Variants in ARMC3 observed in about 807,000 individuals in gnomAD.
ARMC3 encodes armadillo repeat-containing protein 3.
Under a neutral mutation model 90.3 loss-of-function variants are expected in ARMC3, and 74 were observed. The observed-to-expected ratio is 0.82, with a 90% confidence interval of 0.68 to 0.99. ARMC3 has a LOEUF of 0.99. ARMC3 is among the 50% of genes least tolerant of loss of function. ARMC3 has a pLI of 0.00. For synonymous variants in ARMC3, 334 were observed against 361.8 expected (o/e 0.92, Z 0.87); for missense variants, 958 against 1,042.8 (o/e 0.92, Z 1.12).
intron 10 of ARMC3, among the ~76,000 whole-genome samples, chr10:22,993,500 C>T (rs933819566): frequency 6.6e-6 from 1 of 152,290 alleles, no homozygotes; most frequent in Non-Finnish European, 1.5e-5. Context: ...TTCTTGCAAA[C>T]TTAAAGCTGA....
At position 22,961,927 on chromosome 10, in the gene ARMC3, C is replaced by T. The variant is rs559103578; in HGVS notation, c.581C>T (p.Pro194Leu). 11 of 1,610,954 alleles carry T rather than the reference C, an allele frequency of 6.8e-6. No homozygotes were observed. In the Admixed American group the frequency reaches 8.5e-5, roughly 12 times the overall value. ...RAKLQELNAI[P>L]PILDLLKSEY... ...AAACTTCAAGAACTAAATGCAATAC[C>T]TCCTATCTTAGATCTCTTGAAGTCA... The change falls in exon 7 of 19, where the codon CCT becomes CTT. Residue 194 changes from proline to leucine, a missense_variant. Physicochemically the swap from Pro to Leu is moderately conservative, Grantham distance 98. Transcript: ENST00000298032.
chr10:22,966,621 C>T (rs1835450678), intron 7 of ARMC3, among the ~76,000 whole-genome samples: 1 of 152,160 alleles, frequency 6.6e-6, no homozygotes, highest in Non-Finnish European at 1.5e-5. Flanking sequence ...CATTTTTACA[C>T]TGCTATAAAG....
At chr10:23,036,520 A>G (rs1465228740) in intron 18 of ARMC3, among the ~76,000 whole-genome samples, 3 of 152,208 alleles carry the variant, frequency 2.0e-5, no homozygotes, top group Non-Finnish European at 2.9e-5. Flanking sequence ...CCTTATGAAG[A>G]AAGTACTGTT....
rs777621623 is a variant in ARMC3 at position 22,961,952 on chromosome 10, A to G, written c.606A>G (p.Ser202=). ...AIPPILDLLK[S]EYPVIQLLAL... ...CTCCTATCTTAGATCTCTTGAAGTC[A>G]GAATATCCAGTGATTCAGTTGTTGG... Residue 202 remains serine (S), a synonymous_variant, in exon 7 of 19, where the codon TCA becomes TCG. Coordinates refer to ENST00000298032, the MANE Select transcript of ARMC3 (RefSeq NM_173081.5). 1.9e-6 allele frequency: 3 copies of G among 1,612,560 alleles called. No individual in the cohort carries two copies. Among genetic ancestry groups the G allele is most frequent in the South Asian group, 1.1e-5 (1 of 90,840 alleles).
At chr10:23,030,370 T>C (rs1838872347) in intron 16 of ARMC3, among the ~76,000 whole-genome samples, 1 of 152,090 alleles carries the variant, frequency 6.6e-6, no homozygotes, top group South Asian at 2.1e-4. Context: ...AAATACTGTA[T>C]TTTCAGTCAC....
intron 13 of ARMC3, 195 bp from the exon 14 acceptor site, chr10:23,006,689 G>A (rs1215476898): frequency 9.2e-6 from 5 of 544,780 alleles, no homozygotes; most frequent in South Asian, 8.0e-5. Context: ...AACTGGATCT[G>A]TCCTGCCCAA....
chr10:22,997,505 T>C (rs1231096767), intron 10 of ARMC3: 2 of 152,316 alleles, frequency 1.3e-5, no homozygotes, highest in Non-Finnish European at 2.9e-5. Flanking sequence ...TCTATTTATA[T>C]ACATATCATG....
At chr10:23,026,591 G>C (rs1013489859) in intron 16 of ARMC3, among the ~76,000 whole-genome samples, 2 of 151,954 alleles carry the variant, frequency 1.3e-5, no homozygotes, top group Admixed American at 6.6e-5. Flanking sequence ...AGGCATAAAA[G>C]GTAATTGCCT....
chr10:22,998,264 T>G lies in ARMC3; in HGVS notation c.1292T>G (p.Leu431Arg). The G allele has an allele frequency of 6.2e-7, 1 of 1,612,390 alleles. No homozygotes were observed. Among genetic ancestry groups the G allele is most frequent in the Non-Finnish European group, 8.5e-7 (1 of 1,179,116 alleles). Reference protein sequence around the residue: ...VLTNMAMQEPLRLNIQNHDIM... With the variant: ...VLTNMAMQEPRRLNIQNHDIM... ...ACAAACATGGCCATGCAGGAGCCCC[T>G]GCGCCTGAACATACAGAATCACGAC... Residue 431 changes from leucine to arginine, a missense_variant, in exon 11 of 19, where the codon CTG (leucine) becomes CGG (arginine). Leu to Arg is a moderately radical substitution (Grantham distance 102). Coordinates refer to ENST00000298032, the MANE Select transcript of ARMC3 (RefSeq NM_173081.5).
At chr10:23,019,428 G>A (rs1247048701) in intron 16 of ARMC3, among the ~76,000 whole-genome samples, 1 of 152,148 alleles carries the variant, frequency 6.6e-6, no homozygotes, top group Admixed American at 6.5e-5. Flanking sequence ...TAACAAAAGT[G>A]GAGATTTGTA....
chr10:23,022,386 T>C (rs1838546678), intron 16 of ARMC3, among the ~76,000 whole-genome samples: 1 of 152,104 alleles, frequency 6.6e-6, no homozygotes, highest in Admixed American at 6.5e-5. Flanking sequence ...TTTTCTTTGC[T>C]CCTCCCTGCT....
intron 2 of ARMC3, among the ~76,000 whole-genome samples, chr10:22,936,860 T>C (rs1834130320): frequency 6.6e-6 from 1 of 152,188 alleles, no homozygotes; most frequent in Admixed American, 6.5e-5. Flanking sequence ...GGATTGCAAC[T>C]CTTACAGTCT....
intron 13 of ARMC3, among the ~76,000 whole-genome samples, chr10:23,005,211 CAAAAAAAAAA>C (rs35706584): frequency 1.6e-5 from 1 of 60,966 alleles, no homozygotes; most frequent in Non-Finnish European, 3.5e-5. Flanking sequence ...AGACTCGTCT[CAAAAAAAAAA>C]AAAAAAAAAA....
At chr10:23,026,221 C>T (rs1353057927) in intron 16 of ARMC3, among the ~76,000 whole-genome samples, 2 of 152,184 alleles carry the variant, frequency 1.3e-5, no homozygotes, top group East Asian at 1.9e-4. Context: ...TCTCAACTCA[C>T]GATGATCTAA....
rs924894705 is a variant in ARMC3, at chr10:22,962,044, G to A, written c.698G>A (p.Gly233Glu). The A allele has an allele frequency of 3.8e-6, 6 of 1,596,870 alleles. No homozygotes were observed. Among genetic ancestry groups the A allele is most frequent in the Non-Finnish European group, 5.1e-6 (6 of 1,173,500 alleles). The part of the protein sequence containing the change: ...ESRTMLRDNQ[G>E]LDHLIKILET... The stretch of plus-strand genomic sequence containing the variant: ...CGAACAATGCTAAGAGACAATCAAG[G>A]ATTGGACCATCTTATTAAGATCCTA... Residue 233 changes from glycine to glutamate, a missense_variant, in exon 7 of 19, where the codon GGA becomes GAA. Coordinates refer to ENST00000298032, the MANE Select transcript of ARMC3 (RefSeq NM_173081.5).
intron 18 of ARMC3, 56 bp downstream of exon 18, chr10:23,033,079 A>G (rs778643628): frequency 1.3e-6 from 2 of 1,554,714 alleles, no homozygotes; most frequent in Non-Finnish European, 1.8e-6. Flanking sequence ...TGTCTTTATC[A>G]TACTGGAGTA....
intron 12 of ARMC3, 146 bp downstream of exon 12, chr10:23,002,201 G>C: frequency 8.0e-7 from 1 of 1,242,840 alleles, no homozygotes; most frequent in Non-Finnish European, 1.1e-6. Context: ...GCGGGCCTTG[G>C]CTTGGAAGGA....
intron 16 of ARMC3, among the ~76,000 whole-genome samples, chr10:23,019,624 A>G (rs1327527520): frequency 6.6e-6 from 1 of 151,950 alleles, no homozygotes; most frequent in African/African-American, 2.4e-5. Context: ...GTTCACTGCA[A>G]CCTCCACTCA....
chr10:22,965,924 T>G (rs1835419867), intron 7 of ARMC3, among the ~76,000 whole-genome samples: 1 of 152,218 alleles, frequency 6.6e-6, no homozygotes, highest in Non-Finnish European at 1.5e-5. Flanking sequence ...CTCTAATTAC[T>G]TAATTCACCA....
Sources: gnomAD v4.1 joint callset for allele counts (sites outside exome capture counted in the v4.1 genomes callset) on GRCh38, gnomAD v4.1.1 for gene constraint, MANE v1.5 for transcripts, NCBI Gene and HGNC (gene_info 2026-07-23, HGNC 2026-07-21) for gene names.